GALNT18: variants seen among roughly 807,000 people sequenced by gnomAD.
GALNT18 encodes polypeptide N-acetylgalactosaminyltransferase 18.
GALNT18 carries 44 observed loss-of-function variants against 69.5 expected under a neutral mutation model. The observed-to-expected ratio is 0.63, with a 90% CI of 0.50 to 0.81. The LOEUF (loss-of-function observed/expected upper bound fraction) is 0.81. Ranked by LOEUF, GALNT18 falls within the 40% of genes least tolerant of loss-of-function variation. The pLI is 0.00. For synonymous variants in GALNT18, 364 were observed against 318.2 expected, an observed-to-expected ratio of 1.14 and a Z score of -1.53; for missense variants, 715 against 810.0, an observed-to-expected ratio of 0.88 and a Z score of 1.42.
Position 11,619,072 on chromosome 11 carries a change from C to G in GALNT18, c.235+2287G>C, listed in dbSNP as rs572092155. 2.2e-4 allele frequency among the ~76,000 whole-genome samples: 33 copies of G among 152,304 alleles called. No homozygotes were observed. The highest frequency in any genetic ancestry group is 7.9e-4 in the African/African-American group (33 of 41,560). ...AAATCCCAGCTCAGGATGGCCCCAG[C>G]ATGGCAAAGGGAACTGTTGGTCATT... On this transcript the variant is annotated intron_variant, in intron 1 of 10. Coordinates refer to ENST00000227756, the MANE Select transcript of GALNT18 (RefSeq NM_198516.3). This position sits in a 1 kb window ranked among gnomAD's most constrained non-coding sequence, Gnocchi z 4.9.
chr11:11,439,883 G>C lies in GALNT18; in HGVS notation c.429-7096C>G, dbSNP rs1362693912. Among the ~76,000 whole-genome samples, 2 of 152,230 alleles carry C rather than the reference G, an allele frequency of 1.3e-5. No individual in the cohort carries two copies. Among genetic ancestry groups the C allele is most frequent in the Admixed American group, 6.5e-5 (1 of 15,286 alleles). On this transcript the variant is annotated intron_variant, in intron 2 of 10. Transcript: ENST00000227756. The surrounding 1 kb of genome is among the most constrained non-coding windows in gnomAD (Gnocchi z 4.4). Reference sequence around the variant, plus strand: ...CCACAAGCCAAAGGGGTGAAGAACAGGATGATGGAGGCAGGGTGGGGATAC... The same window carrying C: ...CCACAAGCCAAAGGGGTGAAGAACACGATGATGGAGGCAGGGTGGGGATAC...
At chr11:11,303,325 C>T (rs978068849) in intron 9 of GALNT18, among the ~76,000 whole-genome samples, 5 of 152,204 alleles carry the variant, frequency 3.3e-5, no homozygotes, top group Admixed American at 2.0e-4. Flanking sequence ...GCACCAGCAG[C>T]CCCCCACTGC....
intron 6 of GALNT18, among the ~76,000 whole-genome samples, chr11:11,359,004 G>T (rs904569876): frequency 7.1e-6 from 1 of 140,502 alleles, no homozygotes; most frequent in Non-Finnish European, 1.6e-5. Context: ...GGAAATAAAA[G>T]AATCTGCTTG....
At chr11:11,502,502 AAGGAAAGTCATTTAC>A (rs1856995653) in intron 1 of GALNT18, among the ~76,000 whole-genome samples, 1 of 152,252 alleles carries the variant, frequency 6.6e-6, no homozygotes, top group Non-Finnish European at 1.5e-5. Context: ...GCAAACAGAG[AAGGAAAGTCATTTAC>A]AGGAACAGCC....
In GALNT18 at chr11:11,600,703, T is replaced by C. The variant is rs1157431249; in HGVS notation, c.235+20656A>G. Among the ~76,000 whole-genome samples the C allele has an allele frequency of 2.0e-5, 3 of 152,138 alleles. No individual in the cohort carries two copies. Among genetic ancestry groups the C allele is most frequent in the Non-Finnish European group, 4.4e-5 (3 of 67,996 alleles). On this transcript the variant is annotated intron_variant, in intron 1 of 10. Coordinates refer to ENST00000227756, the MANE Select transcript of GALNT18 (RefSeq NM_198516.3). This position sits in a 1 kb window ranked among gnomAD's most constrained non-coding sequence, Gnocchi z 4.8. Reference sequence around the variant, plus strand: ...TTCTTTCTCAAATTTGGGGAGTATTTGGCTATTATTTCTTCATATATTTTT... The same window carrying C: ...TTCTTTCTCAAATTTGGGGAGTATTCGGCTATTATTTCTTCATATATTTTT...
chr11:11,498,725 G>A (rs1856916883), intron 1 of GALNT18, among the ~76,000 whole-genome samples: 1 of 152,164 alleles, frequency 6.6e-6, no homozygotes, highest in South Asian at 2.1e-4. Flanking sequence ...CTTGAACCCG[G>A]GAGGCAGAGG....
At chr11:11,478,915 CGGCATCTCCCGCGGAGG>C (rs1483724097) in intron 1 of GALNT18, among the ~76,000 whole-genome samples, 1 of 150,656 alleles carries the variant, frequency 6.6e-6, no homozygotes, top group Non-Finnish European at 1.5e-5. Flanking sequence ...TGCGGCATCT[CGGCATCTCCCGCGGAGG>C]TGGCATCTCC....
Position 11,340,920 on chromosome 11 carries a change from C to T in GALNT18, c.1177G>A (p.Asp393Asn), listed in dbSNP as rs1850194073. Reference protein sequence around the residue: ...IERAHKPYTEDLTAHVRRNAL... With the variant: ...IERAHKPYTENLTAHVRRNAL... The stretch of plus-strand genomic sequence containing the variant: ...TTCCTGCGGACATGGGCGGTGAGGT[C>T]CTCTGTGTAGGGCTTGTGGGCTCGC... Residue 393 changes from aspartate (D) to asparagine (N), a missense_variant, in exon 7 of 11, where the codon GAC becomes AAC. Transcript: ENST00000227756. The surrounding 1 kb of genome is among the most constrained non-coding windows in gnomAD (Gnocchi z 4.2). The T allele has an allele frequency of 3.1e-6, 5 of 1,613,976 alleles. No individual in the cohort carries two copies. Among genetic ancestry groups the T allele is most frequent in the Admixed American group, 1.7e-5 (1 of 60,010 alleles).
At chr11:11,370,286 G>T (rs992398113) in intron 6 of GALNT18, among the ~76,000 whole-genome samples, 1 of 152,158 alleles carries the variant, frequency 6.6e-6, no homozygotes, top group African/African-American at 2.4e-5. Context: ...ATACACAATC[G>T]TATGGTGTAA....
rs1849940117 is a variant in GALNT18, at chr11:11,327,286, C to T, written c.1417-105G>A. 9 of 836,982 alleles carry T rather than the reference C, an allele frequency of 1.1e-5. No individual in the cohort carries two copies. In the South Asian group the frequency reaches 1.4e-4, roughly 13 times the overall value. 51.8% of individuals were successfully genotyped at this position (836,982 alleles called of 1,614,324 possible). A position where few individuals can be genotyped will look rare whatever the true frequency, so the allele number is the denominator to read the frequency against. On this transcript the variant is annotated intron_variant, in intron 8 of 10. Transcript: ENST00000227756. ...ATTCTGCTGAGACAGATTTCATGTC[C>T]ATAATCAGCCCAAGGCCCTTGAACA...
chr11:11,529,113 C>G (rs945589545), intron 1 of GALNT18, among the ~76,000 whole-genome samples: 2 of 152,166 alleles, frequency 1.3e-5, no homozygotes, highest in African/African-American at 4.8e-5. Context: ...ACTACTAGTG[C>G]CTTCCCTGTG....
chr11:11,386,694 A>G (rs1854066881), intron 3 of GALNT18, among the ~76,000 whole-genome samples: 1 of 152,224 alleles, frequency 6.6e-6, no homozygotes, highest in Non-Finnish European at 1.5e-5. Flanking sequence ...AATCATTTCA[A>G]CAACCCTAAG....
In GALNT18 at chr11:11,415,768, A is replaced by G. The variant is rs1301563529; in HGVS notation, c.595+16853T>C. 6.6e-6 allele frequency among the ~76,000 whole-genome samples: 1 copy of G among 152,066 alleles called. No individual in the cohort carries two copies. The highest frequency in any genetic ancestry group is 1.5e-5 in the Non-Finnish European group (1 of 68,018). On this transcript the variant is annotated intron_variant, in intron 3 of 10. Coordinates refer to ENST00000227756, the MANE Select transcript of GALNT18 (RefSeq NM_198516.3). This position sits in a 1 kb window ranked among gnomAD's most constrained non-coding sequence, Gnocchi z 4.1. The stretch of plus-strand genomic sequence containing the variant: ...ATCCATGCATCCATCCACCCATCTC[A>G]TTTGCAAAGCAGGAGGGTGGGATTT...
chr11:11,399,037 T>G (rs34703524), intron 3 of GALNT18, among the ~76,000 whole-genome samples: 29,785 of 152,090 alleles, frequency 0.2, 3,087 homozygotes, highest in Admixed American at 0.25. Context: ...TTCCCCAAAA[T>G]TCATCTGTTG....
chr11:11,419,619 A>AAAAAAAAAAAAGAAAG (rs1554932034), intron 3 of GALNT18, among the ~76,000 whole-genome samples: 8 of 128,452 alleles, frequency 6.2e-5, no homozygotes, highest in East Asian at 2.3e-4. Flanking sequence ...AAAAAAAAAA[A>AAAAAAAAAAAAGAAAG]AAAGAAAGAA....
chr11:11,281,563 A>G (rs72859263), intron 10 of GALNT18, among the ~76,000 whole-genome samples: 9,347 of 152,226 alleles, frequency 0.061, 406 homozygotes, highest in Non-Finnish European at 0.091. Context: ...CTCTTGGAGA[A>G]ACACGTCCCG....
intron 7 of GALNT18, among the ~76,000 whole-genome samples, chr11:11,334,504 T>C (rs188917586): frequency 1.6e-4 from 24 of 151,514 alleles, no homozygotes; most frequent in South Asian, 4.2e-4. Context: ...GATCGCACCA[T>C]TGCACTCCAG....
chr11:11,369,559 G>A (rs914214503), intron 6 of GALNT18, among the ~76,000 whole-genome samples: 4 of 152,154 alleles, frequency 2.6e-5, no homozygotes, highest in Admixed American at 6.6e-5. Context: ...TTTCAAATGA[G>A]ATCACATTCA....
At chr11:11,304,671 G>T (rs549606127) in intron 9 of GALNT18, among the ~76,000 whole-genome samples, 14 of 152,286 alleles carry the variant, frequency 9.2e-5, no homozygotes, top group African/African-American at 3.1e-4. Flanking sequence ...CTCCTATGAT[G>T]CTTCTTCCTG....
Sources: gnomAD v4.1 joint callset for allele counts (sites outside exome capture counted in the v4.1 genomes callset) on GRCh38, gnomAD v4.1.1 for gene constraint, Gnocchi (gnomAD v3.1) non-coding constraint, MANE v1.5 for transcripts, NCBI Gene and HGNC (gene_info 2026-07-23, HGNC 2026-07-21) for gene names.